Variants in ADPGK observed in about 807,000 individuals in gnomAD.
The protein encoded by ADPGK is ADP-dependent glucokinase.
In ADPGK, 26 loss-of-function variants were observed where a neutral mutation model predicts 42.4. That is an observed-to-expected ratio of 0.61 (90% CI 0.45 to 0.85). The LOEUF is 0.85. ADPGK is among the 40% of genes least tolerant of loss of function. The pLI is 0.00. For missense variants in ADPGK, 571 were observed against 627.0 expected (o/e 0.91, Z 0.95); for synonymous variants, 267 against 252.6 (o/e 1.06, Z -0.54).
At chr15:72,757,888 C>A (rs2066137189) in intron 4 of ADPGK, 1 of 561,514 alleles carries the variant, frequency 1.8e-6, no homozygotes, top group African/African-American at 1.9e-5. Context: ...ACACTGATTT[C>A]TTCAGGAAGT....
intron 2 of ADPGK, among the ~76,000 whole-genome samples, chr15:72,772,885 T>C (rs2066345787): frequency 1.3e-5 from 2 of 152,246 alleles, no homozygotes; most frequent in South Asian, 4.1e-4. Flanking sequence ...CCATATGCCT[T>C]GGAAATCTGA....
At position 72,775,960 on chromosome 15, in the gene ADPGK, A is replaced by G. The variant is rs986127638; in HGVS notation, c.234-863T>C. 2.6e-5 allele frequency among the ~76,000 whole-genome samples: 4 copies of G among 152,248 alleles called. No individual in the cohort carries two copies. In the South Asian group the frequency reaches 8.3e-4, roughly 32 times the overall value. On this transcript the variant is annotated intron_variant, in intron 1 of 6. Transcript: ENST00000456471. ...TGCAACCCAAGTCCAAACACATTTC[A>G]TATATACTTTATACATACAGCCTGA...
chr15:72,771,460 A>G (rs1308814070), intron 3 of ADPGK, among the ~76,000 whole-genome samples: 1 of 152,194 alleles, frequency 6.6e-6, no homozygotes, highest in Non-Finnish European at 1.5e-5. Context: ...TTCCATTACC[A>G]ATCAGTTGTG....
rs772577990 is a variant in ADPGK at position 72,756,290 on chromosome 15, C to T, written c.801G>A (p.Glu267=). The T allele has an allele frequency of 1.9e-6, 3 of 1,614,102 alleles. No homozygotes were observed. The highest frequency in any genetic ancestry group is 8.5e-7 in the Non-Finnish European group (1 of 1,180,032). ...LVVLSGLHMM[E]GQSKELQRKR... ...TCCTCTGGAGCTCCTTGCTTTGTCC[C>T]TCCATCATGTGCAATCCAGAGAGGA... Residue 267 remains glutamate (E), a synonymous_variant, in exon 5 of 7, where the codon GAG becomes GAA. Transcript: ENST00000456471.
Position 72,783,652 on chromosome 15 carries a change from C to T in ADPGK, c.40G>A (p.Ala14Thr), listed in dbSNP as rs770402978. Residue 14 changes from alanine to threonine, a missense_variant, in exon 1 of 7, where the codon GCG (alanine) becomes ACG (threonine). By Grantham distance (58) the Ala-to-Thr change is moderately conservative. This residue lies in a region of ADPGK where 137 missense variants were observed against 104.2 expected (regional missense o/e 1.31). Transcript: ENST00000456471. ...AGGAAGACGCAGCCCACGGCCAGCG[C>T]CAGGAAGCCCGCGTACGCGGAGCCG... ...WRGSAYAGFLALAVGCVFLLE... is the reference protein window; with the variant it reads ...WRGSAYAGFLTLAVGCVFLLE... 2.0e-6 allele frequency: 3 copies of T among 1,509,072 alleles called. No individual in the cohort carries two copies. In the South Asian group the frequency reaches 3.7e-5, roughly 19 times the overall value. 93.5% of individuals were successfully genotyped at this position (1,509,072 alleles called of 1,614,324 possible).
intron 1 of ADPGK, among the ~76,000 whole-genome samples, chr15:72,779,384 G>T (rs1595806839): frequency 6.6e-6 from 1 of 151,912 alleles, no homozygotes; most frequent in East Asian, 1.9e-4. Context: ...GAGAAGCTGG[G>T]ATTACAGAAA....
intron 1 of ADPGK, among the ~76,000 whole-genome samples, chr15:72,780,915 T>C (rs989785182): frequency 5.9e-5 from 9 of 152,312 alleles, no homozygotes; most frequent in South Asian, 2.1e-4. Context: ...CATTGCCGAG[T>C]TTGGTTCGGG....
intron 1 of ADPGK, among the ~76,000 whole-genome samples, chr15:72,778,225 GGTGA>G (rs1227454201): frequency 6.6e-6 from 1 of 152,098 alleles, no homozygotes; most frequent in Non-Finnish European, 1.5e-5. Flanking sequence ...CTTCAGCCTG[GGTGA>G]GAGAGCAAGA....
intron 3 of ADPGK, among the ~76,000 whole-genome samples, chr15:72,767,537 G>T (rs1289912704): frequency 6.6e-6 from 1 of 152,112 alleles, no homozygotes; most frequent in African/African-American, 2.4e-5. Flanking sequence ...CACCAAGATA[G>T]AATATTCTGC....
chr15:72,774,383 T>A (rs1485716975), intron 2 of ADPGK, among the ~76,000 whole-genome samples: 2 of 151,928 alleles, frequency 1.3e-5, no homozygotes, highest in Admixed American at 1.3e-4. Context: ...CATACTGGGG[T>A]GAGGTAGGAA....
At chr15:72,755,767 A>G (rs2066104343) in intron 5 of ADPGK, 113 bp from the exon 6 acceptor site, 2 of 791,780 alleles carry the variant, frequency 2.5e-6, no homozygotes, top group Non-Finnish European at 4.2e-6. Flanking sequence ...CCTTCTTTGC[A>G]TGCTCACGGG....
At chr15:72,774,799 G>C (rs2066370230) in intron 2 of ADPGK, 73 bp downstream of exon 2, 2 of 1,382,600 alleles carry the variant, frequency 1.4e-6, no homozygotes, top group Admixed American at 4.2e-5. Flanking sequence ...AAAGTTGCTT[G>C]CTTGCTTCTA....
Position 72,752,023 on chromosome 15 carries a change from C to A in ADPGK, c.*318G>T. 2 of 291,206 alleles carry A rather than the reference C, an allele frequency of 6.9e-6. No homozygotes were observed. The highest frequency in any genetic ancestry group is 5.2e-5 in the South Asian group (1 of 19,328). 18.0% of individuals were successfully genotyped at this position (291,206 alleles called of 1,614,324 possible). On this transcript the variant is annotated 3_prime_UTR_variant, in exon 7 of 7. Coordinates refer to ENST00000456471, the MANE Select transcript of ADPGK (RefSeq NM_001365225.1). ...CACTTCTCAAGTGGGCAAGGAAGAA[C>A]TGCTTTTCTCCAGCTGACATGCTCT... is the stretch of plus-strand genomic sequence containing the variant.
At chr15:72,767,751 A>AT (rs2066278335) in intron 3 of ADPGK, among the ~76,000 whole-genome samples, 1 of 152,202 alleles carries the variant, frequency 6.6e-6, no homozygotes, top group Admixed American at 6.5e-5. Context: ...GGATATTAGT[A>AT]TTTTGAAATG....
Position 72,755,629 on chromosome 15 carries a change from G to T in ADPGK, c.866C>A (p.Pro289His), listed in dbSNP as rs1412276462. The T allele has an allele frequency of 1.1e-5, 17 of 1,613,890 alleles. No homozygotes were observed. The highest frequency in any genetic ancestry group is 1.3e-5 in the Non-Finnish European group (15 of 1,179,814). ...LEVVTSISDI[P>H]TGIPVHLELA... is the part of the protein sequence containing the mutation. ...CTCTAGGTGAACTGGAATACCAGTG[G>T]GGATGTCAGAAATGGAGGTTACAAC... is the stretch of plus-strand genomic sequence containing the variant. The change falls in exon 6 of 7, where the codon CCC becomes CAC. Residue 289 changes from proline (P) to histidine (H), a missense_variant. Around this residue, in one of 2 missense-constraint regions of ADPGK, gnomAD observed 434 missense variants for 522.7 expected, o/e 0.83. Transcript: ENST00000456471.
At position 72,756,341 on chromosome 15, in the gene ADPGK, C is replaced by G; in HGVS notation, c.750G>C (p.Leu250=). 6.2e-7 allele frequency: 1 copy of G among 1,614,214 alleles called. No homozygotes were observed. Among genetic ancestry groups the G allele is most frequent in the East Asian group, 2.2e-5 (1 of 44,884 alleles). Residue 250 remains leucine (L), a synonymous_variant, in exon 5 of 7, where the codon CTG becomes CTC. Coordinates refer to ENST00000456471, the MANE Select transcript of ADPGK (RefSeq NM_001365225.1). ...CCACCAGGTCTGGCTGAAACTCCTC[C>G]AGGCTAGACACAAACACCTCCAGCA... is the stretch of plus-strand genomic sequence containing the variant. ...MNMLEVFVSS[L]EEFQPDLVVL...
At position 72,760,515 on chromosome 15, in the gene ADPGK, C is replaced by A; in HGVS notation, c.535G>T (p.Gly179Cys). Residue 179 changes from glycine (G) to cysteine (C), a missense_variant, in exon 4 of 7, where the codon GGT (glycine) becomes TGT (cysteine). Around this residue, in one of 2 missense-constraint regions of ADPGK, gnomAD observed 434 missense variants for 522.7 expected, o/e 0.83. Transcript: ENST00000456471. ...TCATGTAGCTTTGGACCAACTGGAC[C>A]GCAAAGAAGAACCTGGAGGCAAGCA... is the stretch of plus-strand genomic sequence containing the variant. ...ANSDLKVLLC[G>C]PVGPKLHELL... The A allele has an allele frequency of 1.2e-6, 2 of 1,602,892 alleles. No homozygotes were observed. Among genetic ancestry groups the A allele is most frequent in the Non-Finnish European group, 1.7e-6 (2 of 1,171,460 alleles).
In ADPGK at chr15:72,776,894, T is replaced by A. The variant is rs144681873; in HGVS notation, c.234-1797A>T. Among the ~76,000 whole-genome samples the A allele has an allele frequency of 2.0e-5, 3 of 152,314 alleles. No individual in the cohort carries two copies. In the East Asian group the frequency reaches 5.8e-4, roughly 29 times the overall value. On this transcript the variant is annotated intron_variant, in intron 1 of 6. Transcript: ENST00000456471. ...TCTGGTCAACTGGAGAAGCATAACC[T>A]AAGATTTACTATGCCTTTCAGTGCA...
At chr15:72,756,779 T>G in intron 4 of ADPGK, 1 of 342,422 alleles carries the variant, frequency 2.9e-6, no homozygotes, top group Non-Finnish European at 5.5e-6. Context: ...GACTTCCAAA[T>G]ACCAGCATAC....
Sources: allele counts gnomAD v4.1 joint callset (sites outside exome capture counted in the v4.1 genomes callset), GRCh38; gene constraint gnomAD v4.1.1; regional missense constraint gnomAD v4.1.1; transcripts MANE v1.5; gene names NCBI Gene and HGNC (gene_info 2026-07-23, HGNC 2026-07-21).